Variants in BPI observed in about 807,000 individuals in gnomAD.
BPI encodes bactericidal permeability increasing protein.
Under a neutral mutation model 57.6 loss-of-function variants are expected in BPI, and 48 were observed. That is an observed-to-expected ratio of 0.83 (90% CI 0.66 to 1.06). BPI has a LOEUF of 1.06. Ranked by LOEUF, BPI falls within the 50% of genes least tolerant of loss-of-function variation. BPI has a pLI of 0.00. For synonymous variants in BPI, 237 were observed against 238.2 expected (o/e 0.99, Z 0.05); for missense variants, 651 against 609.7 (o/e 1.07, Z -0.71).
chr20:38,312,005 C>G, intron 5 of BPI, 68 bp downstream of exon 5: 1 of 1,470,966 alleles, frequency 6.8e-7, no homozygotes, highest in Middle Eastern at 2.1e-4. Context: ...ACACCTCCCC[C>G]TTCTACGGAC....
chr20:38,305,925 T>C (rs1292237704), intron 1 of BPI, among the ~76,000 whole-genome samples: 1 of 152,244 alleles, frequency 6.6e-6, no homozygotes, highest in Non-Finnish European at 1.5e-5. Context: ...CTTACTCCTT[T>C]TCAGGTAATG....
At chr20:38,314,152 TGAG>T (rs2076637130) in intron 5 of BPI, among the ~76,000 whole-genome samples, 1 of 63,434 alleles carries the variant, frequency 1.6e-5, no homozygotes, top group Non-Finnish European at 3.8e-5. Context: ...GTGGTGAGAT[TGAG>T]GATGGTGATG....
In BPI at chr20:38,318,422, A is replaced by G; in HGVS notation, c.610A>G (p.Lys204Glu). The change falls in exon 6 of 15, where the codon AAA becomes GAA. Residue 204 changes from lysine (K) to glutamate (E), a missense_variant. Physicochemically the swap from Lys to Glu is moderately conservative, Grantham distance 56 (BLOSUM62 1). Transcript: ENST00000642449. ...GTTTGGTTCTCCCCAGGTCTGCGAG[A>G]AAGTGACCAATTCTGTATCCTCCGA... ...RNKMNSQVCE[K>E]VTNSVSSELQ... is the part of the protein sequence containing the mutation. 12 of 1,613,688 alleles carry G rather than the reference A, an allele frequency of 7.4e-6. No homozygotes were observed. The highest frequency in any genetic ancestry group is 1.3e-5 in the African/African-American group (1 of 75,024).
chr20:38,311,604 T>C (rs2076622220), intron 4 of BPI, among the ~76,000 whole-genome samples: 1 of 152,032 alleles, frequency 6.6e-6, no homozygotes, highest in Non-Finnish European at 1.5e-5. Flanking sequence ...GGCAGGCCAG[T>C]GTGGCTAGTG....
At chr20:38,332,958 G>A (rs2076749620) in intron 12 of BPI, among the ~76,000 whole-genome samples, 1 of 152,032 alleles carries the variant, frequency 6.6e-6, no homozygotes, top group Non-Finnish European at 1.5e-5. Flanking sequence ...CTCCTGGTGG[G>A]CTCTGGTTGA....
At chr20:38,333,155 T>C (rs911599346) in intron 12 of BPI, among the ~76,000 whole-genome samples, 6 of 152,070 alleles carry the variant, frequency 3.9e-5, no homozygotes, top group Admixed American at 2.6e-4. Context: ...AAGGACCAAA[T>C]GCAACCTCAC....
intron 11 of BPI, among the ~76,000 whole-genome samples, chr20:38,329,308 G>A (rs926158047): frequency 7.2e-5 from 11 of 152,240 alleles, no homozygotes; most frequent in South Asian, 4.1e-4. Context: ...GCACATTTGC[G>A]CTGTTTTCAC....
Position 38,324,040 on chromosome 20 carries a change from T to G in BPI, c.927T>G (p.Asp309Glu). 1 of 1,613,712 alleles carries G rather than the reference T, an allele frequency of 6.2e-7. No homozygotes were observed. The highest frequency in any genetic ancestry group is 8.5e-7 in the Non-Finnish European group (1 of 1,179,960). ...EAGVLKMTLR[D>E]DMIPKESKFR... is the part of the protein sequence containing the mutation. ...GGGTCTTGAAGATGACCCTTAGAGA[T>G]GACATGGTAAGGCCGGGCTCTGGGT... The change falls in exon 8 of 15, where the codon GAT (aspartate) becomes GAG (glutamate). Residue 309 changes from aspartate (D) to glutamate (E), a missense_variant. Coordinates refer to ENST00000642449, the MANE Select transcript of BPI (RefSeq NM_001725.3).
intron 7 of BPI, 90 bp downstream of exon 7, chr20:38,320,364 T>G (rs922666282): frequency 8.7e-7 from 1 of 1,154,242 alleles, no homozygotes; most frequent in East Asian, 2.6e-5. Flanking sequence ...CTTAACAATG[T>G]CCCCTACTTC....
intron 6 of BPI, chr20:38,319,925 T>C (rs924167575): frequency 2.2e-5 from 11 of 492,240 alleles, no homozygotes; most frequent in Admixed American, 6.8e-5. Flanking sequence ...CCTAGGTCTC[T>C]CTGTGCCCTT....
At chr20:38,336,964 A>G (rs2076770442) in intron 14 of BPI, among the ~76,000 whole-genome samples, 182 bp from the exon 15 acceptor site, 2 of 152,040 alleles carry the variant, frequency 1.3e-5, no homozygotes, top group African/African-American at 4.8e-5. Context: ...AGATTCGCAG[A>G]TGTTGGCAGC....
At chr20:38,310,792 C>T in intron 4 of BPI, 140 bp downstream of exon 4, 1 of 1,053,468 alleles carries the variant, frequency 9.5e-7, no homozygotes, top group Middle Eastern at 3.2e-4. Context: ...GTATGGGGGC[C>T]AGGGGCCCAC....
chr20:38,321,778 A>C (rs1439109874), intron 7 of BPI: 4 of 152,064 alleles, frequency 2.6e-5, no homozygotes, highest in Non-Finnish European at 5.9e-5. Flanking sequence ...AGAGATAAGC[A>C]TCATCAATAA....
chr20:38,317,745 G>T (rs1040412311), intron 5 of BPI: 5 of 1,174,536 alleles, frequency 4.3e-6, no homozygotes, highest in South Asian at 1.3e-5. Context: ...AATGTAATTT[G>T]CCATGTTCCG....
At position 38,325,538 on chromosome 20, in the gene BPI, T is replaced by A. The variant is rs577770813; in HGVS notation, c.993+705T>A. 7.2e-5 allele frequency among the ~76,000 whole-genome samples: 11 copies of A among 152,284 alleles called. No individual in the cohort carries two copies. In the South Asian group the frequency reaches 2.3e-3, roughly 32 times the overall value. On this transcript the variant is annotated intron_variant, in intron 9 of 14. Coordinates refer to ENST00000642449, the MANE Select transcript of BPI (RefSeq NM_001725.3). ...TGTCTTTTCTTATAAGGACACTAAT[T>A]CTATCAGATCAGGGCCCAACTGTTA... is the stretch of plus-strand genomic sequence containing the variant.
chr20:38,331,985 C>T (rs553149417), intron 12 of BPI, among the ~76,000 whole-genome samples: 2 of 152,170 alleles, frequency 1.3e-5, no homozygotes, highest in South Asian at 4.2e-4. Context: ...GAGGAGGTGA[C>T]GTTTGGACTG....
intron 1 of BPI, among the ~76,000 whole-genome samples, chr20:38,305,496 A>T (rs145856220): frequency 2.6e-3 from 400 of 151,798 alleles, no homozygotes; most frequent in African/African-American, 8.8e-3. Flanking sequence ...AGCTATCCTG[A>T]CCCTTTGGCA....
At chr20:38,316,890 G>A (rs2076654842) in intron 5 of BPI, among the ~76,000 whole-genome samples, 1 of 152,182 alleles carries the variant, frequency 6.6e-6, no homozygotes, top group Non-Finnish European at 1.5e-5. Context: ...CTCAAGAAGA[G>A]GGCCTAAGTG....
Position 38,320,745 on chromosome 20 carries a change from C to T in BPI, c.756+471C>T, listed in dbSNP as rs79958313. On this transcript the variant is annotated intron_variant, in intron 7 of 14. Coordinates refer to ENST00000642449, the MANE Select transcript of BPI (RefSeq NM_001725.3). ...CACTATGATGAGGGAGAAGGGGCTG[C>T]GACTATTTTGTTCACTACCACATGT... Among the ~76,000 whole-genome samples the T allele has an allele frequency of 4.6e-5, 7 of 151,064 alleles. No homozygotes were observed. The East Asian group carries it at 7.9e-4, about 17-fold the overall frequency.
Sources: allele counts gnomAD v4.1 joint callset (sites outside exome capture counted in the v4.1 genomes callset), GRCh38; gene constraint gnomAD v4.1.1; transcripts MANE v1.5; gene names NCBI Gene and HGNC (gene_info 2026-07-23, HGNC 2026-07-21).